Variants in BUB1B observed in about 807,000 individuals in gnomAD.
BUB1B encodes the protein BUB1 mitotic checkpoint serine/threonine kinase B, also known as mitotic checkpoint serine/threonine-protein kinase BUB1 beta.
BUB1B carries 86 observed loss-of-function variants against 137.7 expected under a neutral mutation model. That is an observed-to-expected ratio of 0.62 (90% CI 0.52 to 0.75). The LOEUF (loss-of-function observed/expected upper bound fraction) is 0.75, where lower values mean the gene tolerates loss of function less well. Ranked by LOEUF, BUB1B falls within the 30% of genes least tolerant of loss-of-function variation. The pLI is 0.00. For missense variants in BUB1B, 1,130 were observed against 1,236.9 expected (o/e 0.91, Z 1.30); for synonymous variants, 420 against 417.9 (o/e 1.00, Z -0.06).
At position 40,208,771 on chromosome 15, in the gene BUB1B, G is replaced by T. The variant is rs746144756; in HGVS notation, c.2143+1G>T. On this transcript the variant is annotated splice_donor_variant, in intron 16 of 22. Coordinates refer to ENST00000287598, the MANE Select transcript of BUB1B (RefSeq NM_001211.6). LOFTEE classifies it high-confidence loss of function. ...CTAGAACTTACTAATGAGACTTCAG[G>T]TAGGATATACATACCACTATATCCA... 1 of 1,609,890 alleles carries T rather than the reference G, an allele frequency of 6.2e-7. No homozygotes were observed. Among genetic ancestry groups the T allele is most frequent in the South Asian group, 1.1e-5 (1 of 90,982 alleles).
intron 8 of BUB1B, among the ~76,000 whole-genome samples, chr15:40,189,683 A>T (rs763497520): frequency 1.3e-5 from 2 of 152,118 alleles, no homozygotes; most frequent in Non-Finnish European, 2.9e-5. Flanking sequence ...CCGTGTATAC[A>T]TTTTTGTGTG....
In BUB1B at chr15:40,170,102, C is replaced by A; in HGVS notation, c.220C>A (p.Pro74Thr). The A allele has an allele frequency of 3.7e-6, 6 of 1,613,686 alleles. No homozygotes were observed. Among genetic ancestry groups the A allele is most frequent in the Non-Finnish European group, 5.1e-6 (6 of 1,179,734 alleles). ...AATTCGATTTTACACTGGAAATGACCCTCTGGATGTTTGGGATAGGTGGGT... is the reference window on the plus strand; with the variant it reads ...AATTCGATTTTACACTGGAAATGACACTCTGGATGTTTGGGATAGGTGGGT... ...YEIRFYTGND[P>T]LDVWDRYISW... The change falls in exon 3 of 23, where the codon CCT (proline) becomes ACT (threonine). Residue 74 changes from proline to threonine, a missense_variant. By Grantham distance (38) the Pro-to-Thr change is conservative (BLOSUM62 -1). Coordinates refer to ENST00000287598, the MANE Select transcript of BUB1B (RefSeq NM_001211.6).
chr15:40,182,118 C>T (rs1171041604), intron 5 of BUB1B, among the ~76,000 whole-genome samples: 1 of 152,190 alleles, frequency 6.6e-6, no homozygotes, highest in Admixed American at 6.5e-5. Context: ...GCAGGAGAAT[C>T]GCTTGAACCC....
chr15:40,211,526 T>TA (rs1323256687), intron 18 of BUB1B, among the ~76,000 whole-genome samples: 3 of 152,218 alleles, frequency 2.0e-5, no homozygotes, highest in Non-Finnish European at 4.4e-5. Flanking sequence ...GCCTGGAGCA[T>TA]ATAAGCCTGG....
intron 12 of BUB1B, among the ~76,000 whole-genome samples, chr15:40,201,258 A>G (rs1459826763): frequency 3.3e-5 from 5 of 152,316 alleles, no homozygotes; most frequent in East Asian, 3.9e-4. Flanking sequence ...TAAACAGCAA[A>G]GACACTAAGG....
At chr15:40,211,077 A>G (rs975188096) in intron 18 of BUB1B, among the ~76,000 whole-genome samples, 1 of 152,036 alleles carries the variant, frequency 6.6e-6, no homozygotes, top group African/African-American at 2.4e-5. Context: ...AGAGGTGTAT[A>G]TGGCATCTTT....
rs572786045 is a variant in BUB1B, at chr15:40,196,018, C to T, written c.1059-527C>T. ...CATCTAATTATCTTTGTTTTTGTTG[C>T]GTTTGCTTTTGGGTTCTTGGTCATG... On this transcript the variant is annotated intron_variant, in intron 8 of 22. Transcript: ENST00000287598. Among the ~76,000 whole-genome samples the T allele has an allele frequency of 2.6e-5, 4 of 152,180 alleles. No homozygotes were observed. In the East Asian group the frequency reaches 5.8e-4, roughly 22 times the overall value.
intron 15 of BUB1B, among the ~76,000 whole-genome samples, chr15:40,208,125 T>C (rs2037660282): frequency 7.5e-6 from 1 of 133,288 alleles, no homozygotes; most frequent in South Asian, 2.3e-4. Context: ...GTCTCAAAAA[T>C]AAAATGAAAA....
rs1228721275 is a variant in BUB1B at position 40,202,812 on chromosome 15, C to G, written c.1734+118C>G. The G allele has an allele frequency of 5.9e-6, 5 of 851,954 alleles. No individual in the cohort carries two copies. In the Admixed American group the frequency reaches 9.6e-5, roughly 16 times the overall value. The allele number at this position is 851,954 out of a possible 1,614,324, so 52.8% of individuals were successfully genotyped here. ...CTTGAATTAAGCACATGAAAAGATG[C>G]TCAGCATTACTACTCAACAGGGAAA... On this transcript the variant is annotated intron_variant, in intron 14 of 22. Coordinates refer to ENST00000287598, the MANE Select transcript of BUB1B (RefSeq NM_001211.6).
At chr15:40,195,794 A>G (rs1315173893) in intron 8 of BUB1B, among the ~76,000 whole-genome samples, 2 of 152,006 alleles carry the variant, frequency 1.3e-5, no homozygotes, top group African/African-American at 4.8e-5. Flanking sequence ...AAAATTGTCT[A>G]TTCATGTCCT....
intron 21 of BUB1B, 94 bp downstream of exon 21, chr15:40,217,761 G>T (rs560527537): frequency 1.3e-5 from 19 of 1,424,702 alleles, no homozygotes; most frequent in Non-Finnish European, 1.9e-5. Flanking sequence ...TACTGATACC[G>T]ACTCCTAGAA....
At chr15:40,213,306 T>A (rs374013458) in intron 19 of BUB1B, 26 bp from the exon 20 acceptor site, 5 of 1,612,296 alleles carry the variant, frequency 3.1e-6, no homozygotes, top group East Asian at 4.5e-5. Flanking sequence ...TGAGAAATAG[T>A]GAGTTTTCTG....
Position 40,200,237 on chromosome 15 carries a change from C to T in BUB1B, c.1402-7C>T. On this transcript the variant is annotated splice_polypyrimidine_tract_variant and splice_region_variant and intron_variant, in intron 10 of 22. Coordinates refer to ENST00000287598, the MANE Select transcript of BUB1B (RefSeq NM_001211.6). Reference sequence around the variant, plus strand: ...GGACATTGATTTTGTTTATTTAATGCAAACAGCAAGAAGAGACGATGCCTA... The same window carrying T: ...GGACATTGATTTTGTTTATTTAATGTAAACAGCAAGAAGAGACGATGCCTA... 6.2e-7 allele frequency: 1 copy of T among 1,603,138 alleles called. No homozygotes were observed. Among genetic ancestry groups the T allele is most frequent in the Non-Finnish European group, 8.5e-7 (1 of 1,170,822 alleles).
chr15:40,191,135 G>A (rs866471553), intron 8 of BUB1B, among the ~76,000 whole-genome samples: 3 of 152,040 alleles, frequency 2.0e-5, no homozygotes, highest in Non-Finnish European at 2.9e-5. Context: ...TGATCCACCC[G>A]ACTCAGCATC....
intron 13 of BUB1B, 43 bp downstream of exon 13, chr15:40,202,508 A>G (rs777685421): frequency 1.9e-6 from 3 of 1,595,328 alleles, no homozygotes; most frequent in South Asian, 1.1e-5. Context: ...TTACTTAAGA[A>G]TTTTCTGTTA....
At chr15:40,168,326 C>T (rs1435930820) in intron 2 of BUB1B, among the ~76,000 whole-genome samples, 1 of 151,714 alleles carries the variant, frequency 6.6e-6, no homozygotes, top group African/African-American at 2.4e-5. Flanking sequence ...GAGATTGTGC[C>T]ATTGCACTCT....
Position 40,185,193 on chromosome 15 carries a change from T to C in BUB1B, c.780T>C (p.Asn260=). 6.2e-7 allele frequency: 1 copy of C among 1,614,158 alleles called. No homozygotes were observed. The part of the protein sequence containing the change: ...KAPSQNRGLQ[N]PFPQQMQNNS... Reference sequence around the variant, plus strand: ...CAAGCCAGAACAGAGGACTCCAAAATCCATTTCCTCAACAGATGCAAAATA... The same window carrying C: ...CAAGCCAGAACAGAGGACTCCAAAACCCATTTCCTCAACAGATGCAAAATA... The change falls in exon 7 of 23, where the codon AAT becomes AAC. Residue 260 remains asparagine, a synonymous_variant. Transcript: ENST00000287598.
intron 20 of BUB1B, 127 bp downstream of exon 20, chr15:40,213,601 T>A: frequency 9.5e-7 from 1 of 1,052,746 alleles, no homozygotes; most frequent in Admixed American, 1.8e-5. Context: ...AGTGGCATGA[T>A]CTTGGCTCAC....
At chr15:40,209,185 C>T (rs919108207) in intron 16 of BUB1B, among the ~76,000 whole-genome samples, 68 of 152,072 alleles carry the variant, frequency 4.5e-4, no homozygotes, top group African/African-American at 1.6e-3. Context: ...TTTGGGAGGC[C>T]GAGGCGGGTG....
Sources: gnomAD v4.1 joint callset for allele counts (sites outside exome capture counted in the v4.1 genomes callset) on GRCh38, gnomAD v4.1.1 for gene constraint, MANE v1.5 for transcripts, NCBI Gene and HGNC (gene_info 2026-07-23, HGNC 2026-07-21) for gene names.